The following SLC35G1 variants were observed in gnomAD, a reference collection of about 807,000 sequenced individuals.
SLC35G1 encodes solute carrier family 35 member G1, also known as partner of STIM1.
SLC35G1 carries 10 observed loss-of-function variants against 17.1 expected under a neutral mutation model. The ratio of observed to expected loss-of-function variants is 0.59; its 90% CI spans 0.36 to 0.99. The LOEUF (loss-of-function observed/expected upper bound fraction) is 0.99. Among genes scored for constraint, SLC35G1 ranks in the 50% least tolerant of loss-of-function variants. The pLI is 0.01. For synonymous variants in SLC35G1, 185 were observed against 181.1 expected, an observed-to-expected ratio of 1.02 and a Z score of -0.18; for missense variants, 433 against 468.4, an observed-to-expected ratio of 0.92 and a Z score of 0.70.
At position 93,901,102 on chromosome 10, in the gene SLC35G1, CG is replaced by C; in HGVS notation, c.711del (p.Thr238LeufsTer2). ...AAIGSAVFAASTLVILRKMGK... is the reference protein window; with the variant it reads ...AAIGSAVFAAXTLVILRKMGK... ...ATTGGAAGTGCCGTATTTGCTGCAT[CG>C]ACTCTAGTTATCCTAAGAAAAATGG... On this transcript the variant is annotated frameshift_variant, in exon 3 of 3. Coordinates refer to ENST00000427197, the MANE Select transcript of SLC35G1 (RefSeq NM_001134658.3). LOFTEE classifies it low-confidence loss of function (END_TRUNC). 1.9e-6 allele frequency: 3 copies of C among 1,614,076 alleles called. No individual in the cohort carries two copies. The highest frequency in any genetic ancestry group is 2.5e-6 in the Non-Finnish European group (3 of 1,179,942).
chr10:93,894,739 A>G (rs1321597564), intron 1 of SLC35G1, among the ~76,000 whole-genome samples: 1 of 152,152 alleles, frequency 6.6e-6, no homozygotes, highest in Non-Finnish European at 1.5e-5. Flanking sequence ...GGATACAAGG[A>G]CTTTTTAGCA....
chr10:93,909,576 T>A (rs2060447668), exon 3 of SLC35G1: 1 of 152,184 alleles, frequency 6.6e-6, no homozygotes, highest in South Asian at 2.1e-4. Context: ...ACCTCTGGTT[T>A]GAGGGACTCT....
chr10:93,895,730 C>G (rs186773814), intron 1 of SLC35G1, among the ~76,000 whole-genome samples: 2 of 152,108 alleles, frequency 1.3e-5, no homozygotes, highest in Non-Finnish European at 2.9e-5. Flanking sequence ...TTTTCAAGTT[C>G]TGGTTGGAAC....
At position 93,901,021 on chromosome 10, in the gene SLC35G1, A is replaced by G. The variant is rs1191935260; in HGVS notation, c.629A>G (p.Asp210Gly). 3 of 1,614,096 alleles carry G rather than the reference A, an allele frequency of 1.9e-6. No homozygotes were observed. The East Asian group carries it at 6.7e-5, about 36-fold the overall frequency. The change falls in exon 3 of 3, where the codon GAC becomes GGC. Residue 210 changes from aspartate to glycine, a missense_variant. Asp to Gly is a moderately conservative substitution (Grantham distance 94, BLOSUM62 -1). Coordinates refer to ENST00000427197, the MANE Select transcript of SLC35G1 (RefSeq NM_001134658.3). Reference protein sequence around the residue: ...IVRPPFLFGSDTSGMEESYSG... With the variant: ...IVRPPFLFGSGTSGMEESYSG... ...AGACCACCATTTTTGTTTGGTTCCG[A>G]CACTTCGGGGATGGAAGAAAGCTAT...
chr10:93,901,279 T>TG lies in SLC35G1; in HGVS notation c.893dup (p.Gln299SerfsTer36), dbSNP rs769917465. On this transcript the variant is annotated frameshift_variant, in exon 3 of 3. Coordinates refer to ENST00000427197, the MANE Select transcript of SLC35G1 (RefSeq NM_001134658.3). LOFTEE classifies it high-confidence loss of function. ...CTCATATTCATTGGGCTCTTTGGTT[T>TG]GGGGGGTCAGATATTTATCACAAAA... is the stretch of plus-strand genomic sequence containing the variant. The TG allele has an allele frequency of 2.4e-5, 39 of 1,613,792 alleles. No individual in the cohort carries two copies. Among genetic ancestry groups the TG allele is most frequent in the Non-Finnish European group, 2.8e-5 (33 of 1,179,840 alleles).
rs755554539 is a variant in SLC35G1, at chr10:93,901,170, G to C, written c.778G>C (p.Val260Leu). The change falls in exon 3 of 3, where the codon GTA (valine) becomes CTA (leucine). Residue 260 changes from valine to leucine, a missense_variant. Val to Leu is a conservative substitution (Grantham distance 32). Transcript: ENST00000427197. ...CTTTCTGAGCATTTGGTATTATGTA[G>C]TACTTGGCCTCGTTGAAAGTGTCAT... ...DYFLSIWYYV[V>L]LGLVESVIIL... The C allele has an allele frequency of 9.9e-6, 16 of 1,614,008 alleles. No individual in the cohort carries two copies. Among genetic ancestry groups the C allele is most frequent in the Non-Finnish European group, 1.3e-5 (15 of 1,179,978 alleles).
downstream of SLC35G1, among the ~76,000 whole-genome samples, chr10:93,905,734 T>C (rs946336493): frequency 3.3e-5 from 5 of 152,212 alleles, no homozygotes; most frequent in African/African-American, 4.8e-5. Flanking sequence ...TCTCTTCCAC[T>C]AAACTTTCAT....
In SLC35G1 at chr10:93,901,494, A is replaced by T; in HGVS notation, c.*4A>T. The T allele has an allele frequency of 6.3e-7, 1 of 1,578,108 alleles. No homozygotes were observed. On this transcript the variant is annotated 3_prime_UTR_variant, in exon 3 of 3. Transcript: ENST00000427197. ...ATGGTACCAAAGTTCCAAATGAAGCATCATTGCTGAAATACATATTTTTTT... is the reference window on the plus strand; with the variant it reads ...ATGGTACCAAAGTTCCAAATGAAGCTTCATTGCTGAAATACATATTTTTTT...
In SLC35G1 at chr10:93,893,982, G is replaced by A. The variant is rs2060300856; in HGVS notation, c.-52G>A. 2 of 1,317,188 alleles carry A rather than the reference G, an allele frequency of 1.5e-6. No homozygotes were observed. The highest frequency in any genetic ancestry group is 1.9e-6 in the Non-Finnish European group (2 of 1,034,192). 81.6% of individuals were successfully genotyped at this position (1,317,188 alleles called of 1,614,324 possible). A position where few individuals can be genotyped will look rare whatever the true frequency, so the allele number is the denominator to read the frequency against. Reference sequence around the variant, plus strand: ...CCGCCGGAAGAGCGGCAGCCCAGGCGCTGCTGCTGGCGCCAGACGGCACCG... The same window carrying A: ...CCGCCGGAAGAGCGGCAGCCCAGGCACTGCTGCTGGCGCCAGACGGCACCG... On this transcript the variant is annotated 5_prime_UTR_variant, in exon 1 of 3. Coordinates refer to ENST00000427197, the MANE Select transcript of SLC35G1 (RefSeq NM_001134658.3).
chr10:93,904,448 A>T (rs772125520), downstream of SLC35G1, among the ~76,000 whole-genome samples: 4 of 152,188 alleles, frequency 2.6e-5, no homozygotes, highest in Non-Finnish European at 5.9e-5. Context: ...CTACATCCCA[A>T]CACAAATGGG....
At position 93,909,431 on chromosome 10, in the gene SLC35G1, T is replaced by A. The variant is rs552424590; in HGVS notation, c.*2453T>A. On this transcript the variant is annotated 3_prime_UTR_variant and NMD_transcript_variant, in exon 3 of 3. Coordinates refer to the SLC35G1 transcript ENST00000483386. ...AAAAAAATCCATGCAATTTTTTGCA[T>A]CCTAATTAATAATATATCTGTGTGT... is the stretch of plus-strand genomic sequence containing the variant. 3 of 151,994 alleles carry A rather than the reference T, an allele frequency of 2.0e-5. No homozygotes were observed. In the South Asian group the frequency reaches 6.3e-4, roughly 32 times the overall value. 9.4% of individuals were successfully genotyped at this position (151,994 alleles called of 1,614,324 possible).
At chr10:93,899,228 C>A (rs571491945) in intron 2 of SLC35G1, among the ~76,000 whole-genome samples, 1 of 152,170 alleles carries the variant, frequency 6.6e-6, no homozygotes, top group Non-Finnish European at 1.5e-5. Context: ...AGGTTACTTT[C>A]GTATTTAGTT....
intron 2 of SLC35G1, 86 bp from the exon 3 acceptor site, chr10:93,900,666 T>G (rs2060374001): frequency 8.5e-7 from 1 of 1,172,454 alleles, no homozygotes; most frequent in Non-Finnish European, 1.2e-6. Flanking sequence ...TATTTAGTAC[T>G]TTTAAAATAA....
At chr10:93,907,634 T>C (rs2134075077), downstream of SLC35G1, 1 of 152,298 alleles carries the variant, frequency 6.6e-6, no homozygotes, top group East Asian at 1.9e-4. Flanking sequence ...TATGTGCTCA[T>C]TTGTATAAAA....
At position 93,901,671 on chromosome 10, in the gene SLC35G1, C is replaced by A. The variant is rs1302030434; in HGVS notation, c.*181C>A. The A allele has an allele frequency of 1.5e-6, 1 of 661,154 alleles. No homozygotes were observed. Among genetic ancestry groups the A allele is most frequent in the South Asian group, 6.5e-5 (1 of 15,444 alleles). The allele number at this position is 661,154 out of a possible 1,614,324, so 41.0% of individuals were successfully genotyped here. On this transcript the variant is annotated 3_prime_UTR_variant, in exon 3 of 3. Transcript: ENST00000427197. ...AGAATAGCTAGTCTGTTTGGTGTAA[C>A]AATTTTTTGGTAGCTTTGGTTTTGG... is the stretch of plus-strand genomic sequence containing the variant.
At chr10:93,900,223 G>T (rs1403000292) in intron 2 of SLC35G1, among the ~76,000 whole-genome samples, 1 of 152,130 alleles carries the variant, frequency 6.6e-6, no homozygotes, top group African/African-American at 2.4e-5. Context: ...AATTTTAGCA[G>T]TTTCAAGTTT....
downstream of SLC35G1, chr10:93,908,534 C>T (rs1389430735): frequency 6.6e-6 from 1 of 152,154 alleles, no homozygotes; most frequent in Non-Finnish European, 1.5e-5. Flanking sequence ...CATATGTCCT[C>T]CTTCCTCCTT....
In SLC35G1 at chr10:93,901,079, TG is replaced by T; in HGVS notation, c.689del (p.Gly230GlufsTer10). On this transcript the variant is annotated frameshift_variant, in exon 3 of 3. Coordinates refer to ENST00000427197, the MANE Select transcript of SLC35G1 (RefSeq NM_001134658.3). LOFTEE classifies it low-confidence loss of function (END_TRUNC). ...ACCTTAAGGGAACATTCGCAGCAAT[TG>T]GAAGTGCCGTATTTGCTGCATCGAC... ...GHLKGTFAAI[G>X]SAVFAASTLV... 6.2e-7 allele frequency: 1 copy of T among 1,614,114 alleles called. No individual in the cohort carries two copies. Among genetic ancestry groups the T allele is most frequent in the Non-Finnish European group, 8.5e-7 (1 of 1,179,988 alleles).
rs901170357 is a variant in SLC35G1 at position 93,902,954 on chromosome 10, G to T, written c.*1464G>T. 1 of 152,188 alleles carries T rather than the reference G, an allele frequency of 6.6e-6. No homozygotes were observed. The highest frequency in any genetic ancestry group is 1.5e-5 in the Non-Finnish European group (1 of 68,030). The allele number at this position is 152,188 out of a possible 1,614,324, so 9.4% of individuals were successfully genotyped here. A position where few individuals can be genotyped will look rare whatever the true frequency, so the allele number is the denominator to read the frequency against. ...TTGTAATGAGCCCTTTATTGGTGAG[G>T]TTGCAATAGCTTCCAGCTCTTACTG... is the stretch of plus-strand genomic sequence containing the variant. On this transcript the variant is annotated 3_prime_UTR_variant, in exon 3 of 3. Coordinates refer to ENST00000427197, the MANE Select transcript of SLC35G1 (RefSeq NM_001134658.3).
Sources: gnomAD v4.1 joint callset for allele counts (sites outside exome capture counted in the v4.1 genomes callset) on GRCh38, gnomAD v4.1.1 for gene constraint, MANE v1.5 for transcripts, NCBI Gene and HGNC (gene_info 2026-07-23, HGNC 2026-07-21) for gene names.